AUTS2: variants seen among roughly 807,000 people sequenced by gnomAD.
The protein encoded by AUTS2 is autism susceptibility gene 2 protein.
AUTS2 carries 17 observed loss-of-function variants against 112.4 expected under a neutral mutation model. The ratio of observed to expected loss-of-function variants is 0.15; its 90% CI spans 0.10 to 0.23. The LOEUF is 0.23. AUTS2 is among the 10% of genes least tolerant of loss of function. The probability of loss-of-function intolerance (pLI) is 1.00; values close to 1 mark genes in which losing one functional copy is unlikely to be tolerated. For synonymous variants in AUTS2, 751 were observed against 702.7 expected (o/e 1.07, Z -1.09); for missense variants, 1,510 against 1,701.6 (o/e 0.89, Z 1.98).
chr7:70,373,805 A>C (rs552459146), intron 4 of AUTS2, among the ~76,000 whole-genome samples: 2 of 152,062 alleles, frequency 1.3e-5, no homozygotes, highest in Non-Finnish European at 2.9e-5. Context: ...TAAAATTGGT[A>C]TGGTTTTTGT....
chr7:70,247,853 A>G (rs1813007184), intron 4 of AUTS2, among the ~76,000 whole-genome samples: 1 of 152,152 alleles, frequency 6.6e-6, no homozygotes, highest in African/African-American at 2.4e-5. Flanking sequence ...TTCCCATTAA[A>G]TATGGTATTT....
chr7:70,480,019 A>C (rs559072656), intron 5 of AUTS2, among the ~76,000 whole-genome samples: 1 of 152,338 alleles, frequency 6.6e-6, no homozygotes, highest in East Asian at 1.9e-4. Flanking sequence ...GTGATGCCTG[A>C]GGCAGAGTAT....
intron 4 of AUTS2, among the ~76,000 whole-genome samples, chr7:70,370,057 A>G (rs1234474910): frequency 1.3e-5 from 2 of 152,190 alleles, no homozygotes; most frequent in African/African-American, 4.8e-5. Flanking sequence ...GGCTGTGACC[A>G]AGTCAGACAT....
At chr7:70,781,085 G>C (rs965373893) in intron 14 of AUTS2, among the ~76,000 whole-genome samples, 1 of 152,116 alleles carries the variant, frequency 6.6e-6, no homozygotes, top group Non-Finnish European at 1.5e-5. Context: ...ACATAGCTGG[G>C]TGCGGTGGCT....
At chr7:70,375,203 C>T (rs1483189570) in intron 4 of AUTS2, among the ~76,000 whole-genome samples, 1 of 152,174 alleles carries the variant, frequency 6.6e-6, no homozygotes. Flanking sequence ...TGAAACAACG[C>T]ATATATGATA....
chr7:70,373,733 T>C (rs1045473660), intron 4 of AUTS2, among the ~76,000 whole-genome samples: 5 of 152,338 alleles, frequency 3.3e-5, no homozygotes, highest in African/African-American at 1.2e-4. Context: ...GAGTAAATTA[T>C]ATAAAATGTC....
At position 70,100,089 on chromosome 7, in the gene AUTS2, G is replaced by T. The variant is rs527569848; in HGVS notation, c.523-18043G>T. ...TAGAGATTCCTTAACGTTAAAATTT[G>T]TTTCAGTAAGTAACTCTTGTTGTGG... On this transcript the variant is annotated intron_variant, in intron 2 of 18. Transcript: ENST00000342771. Among the ~76,000 whole-genome samples the T allele has an allele frequency of 2.6e-5, 4 of 152,222 alleles. No individual in the cohort carries two copies. In the East Asian group the frequency reaches 7.7e-4, roughly 29 times the overall value.
At chr7:70,137,520 C>T (rs1489093134) in intron 4 of AUTS2, among the ~76,000 whole-genome samples, 2 of 148,118 alleles carry the variant, frequency 1.4e-5, no homozygotes, top group Non-Finnish European at 1.5e-5. Context: ...TCAATTTAAA[C>T]GTTTTAGGCT....
chr7:69,600,263 A>G (rs143143128), intron 1 of AUTS2, among the ~76,000 whole-genome samples: 7 of 151,656 alleles, frequency 4.6e-5, no homozygotes, highest in East Asian at 1.9e-4. Flanking sequence ...CATCACAACA[A>G]TGCGCCCCCT....
intron 4 of AUTS2, among the ~76,000 whole-genome samples, chr7:70,429,798 AG>A (rs1361336812): frequency 9.2e-5 from 14 of 152,184 alleles, no homozygotes; most frequent in Non-Finnish European, 5.9e-5. Flanking sequence ...ATTTTACAAA[AG>A]TAATTGTCGT....
chr7:70,347,732 G>A (rs941204503), intron 4 of AUTS2, among the ~76,000 whole-genome samples: 2 of 152,122 alleles, frequency 1.3e-5, no homozygotes, highest in Non-Finnish European at 2.9e-5. Flanking sequence ...ATACAAATTG[G>A]ATGTCTTCTG....
chr7:70,323,775 CTTAT>C (rs537591312), intron 4 of AUTS2, among the ~76,000 whole-genome samples: 9 of 152,170 alleles, frequency 5.9e-5, no homozygotes, highest in Non-Finnish European at 1.2e-4. Context: ...TGTAGCTGTG[CTTAT>C]TTAACTGCTT....
intron 4 of AUTS2, among the ~76,000 whole-genome samples, chr7:70,349,058 C>G (rs908014346): frequency 1.3e-5 from 2 of 152,144 alleles, no homozygotes; most frequent in African/African-American, 2.4e-5. Flanking sequence ...TCTAATTGCT[C>G]CAAACCCCAT....
At chr7:70,013,140 T>C (rs561838231) in intron 2 of AUTS2, among the ~76,000 whole-genome samples, 3 of 152,336 alleles carry the variant, frequency 2.0e-5, no homozygotes, top group Non-Finnish European at 4.4e-5. Context: ...TTATTTGTGC[T>C]GCAGGCTTGC....
At chr7:70,591,630 C>G (rs35771254) in intron 5 of AUTS2, among the ~76,000 whole-genome samples, 17,783 of 152,110 alleles carry the variant, frequency 0.12, 1,902 homozygotes, top group African/African-American at 0.28. Flanking sequence ...AACTCCTGAC[C>G]TCAAGTGATT....
chr7:69,931,579 T>C (rs767530556), intron 2 of AUTS2, among the ~76,000 whole-genome samples: 1 of 152,212 alleles, frequency 6.6e-6, no homozygotes, highest in Admixed American at 6.5e-5. Context: ...GCAAGACTTA[T>C]TGGATCTCCG....
chr7:69,625,240 G>A (rs1243500008), intron 1 of AUTS2, among the ~76,000 whole-genome samples: 1 of 152,224 alleles, frequency 6.6e-6, no homozygotes, highest in Non-Finnish European at 1.5e-5. Flanking sequence ...GGAAAAGGGT[G>A]CTTCTGGCCC....
chr7:70,484,048 G>A (rs1288789818), intron 5 of AUTS2, among the ~76,000 whole-genome samples: 1 of 152,152 alleles, frequency 6.6e-6, no homozygotes, highest in Non-Finnish European at 1.5e-5. Context: ...GAATTATTAT[G>A]GAAGTAAGAT....
At chr7:70,525,662 G>A (rs1799810144) in intron 5 of AUTS2, among the ~76,000 whole-genome samples, 2 of 152,196 alleles carry the variant, frequency 1.3e-5, no homozygotes, top group Admixed American at 1.3e-4. Flanking sequence ...TTTTAATGCA[G>A]CCTGGTAAAT....
Sources: allele counts gnomAD v4.1 joint callset (sites outside exome capture counted in the v4.1 genomes callset), GRCh38; gene constraint gnomAD v4.1.1; transcripts MANE v1.5; gene names NCBI Gene and HGNC (gene_info 2026-07-23, HGNC 2026-07-21).